FGF14: variants seen among roughly 807,000 people sequenced by gnomAD.
FGF14 encodes fibroblast growth factor homologous factor 4.
In FGF14, 5 loss-of-function variants were observed where a neutral mutation model predicts 25.5. The ratio of observed to expected loss-of-function variants is 0.20; its 90% CI spans 0.10 to 0.41. The LOEUF (loss-of-function observed/expected upper bound fraction) is 0.41, where lower values mean the gene tolerates loss of function less well. Ranked by LOEUF, FGF14 falls within the 10% of genes least tolerant of loss-of-function variation. The pLI, the probability that FGF14 is intolerant of heterozygous loss-of-function variation, is 1.00. For synonymous variants in FGF14, 138 were observed against 118.3 expected, an observed-to-expected ratio of 1.17 and a Z score of -1.08; for missense variants, 222 against 320.1, an observed-to-expected ratio of 0.69 and a Z score of 2.34.
chr13:101,960,648 A>G (rs1040300014), intron 1 of FGF14, among the ~76,000 whole-genome samples: 1 of 152,218 alleles, frequency 6.6e-6, no homozygotes, highest in South Asian at 2.1e-4. Context: ...GGCTGCAATG[A>G]ACATACACGT....
At chr13:102,332,269 A>G (rs886306493) in intron 1 of FGF14, among the ~76,000 whole-genome samples, 3 of 152,148 alleles carry the variant, frequency 2.0e-5, no homozygotes, top group African/African-American at 7.2e-5. Flanking sequence ...AGAAAAATTA[A>G]AACATTTGAA....
intron 3 of FGF14, among the ~76,000 whole-genome samples, chr13:101,853,021 G>C (rs1431696742): frequency 2.0e-5 from 3 of 152,020 alleles, no homozygotes; most frequent in Non-Finnish European, 4.4e-5. Context: ...TACTTGGAAA[G>C]TGCTATTTAT....
chr13:101,940,497 C>T (rs74340119), intron 1 of FGF14, among the ~76,000 whole-genome samples: 3,052 of 152,308 alleles, frequency 0.02, 113 homozygotes, highest in African/African-American at 0.07. Flanking sequence ...TTGTGCTCGC[C>T]TTGAGGCTTT....
chr13:101,896,311 A>G (rs921481565), intron 1 of FGF14, among the ~76,000 whole-genome samples: 3 of 152,208 alleles, frequency 2.0e-5, no homozygotes, highest in Admixed American at 6.5e-5. Flanking sequence ...TGGCACTCAC[A>G]CTAAGGTGCT....
intron 3 of FGF14, among the ~76,000 whole-genome samples, chr13:101,806,116 T>G (rs1266406159): frequency 6.6e-6 from 1 of 151,968 alleles, no homozygotes; most frequent in Non-Finnish European, 1.5e-5. Context: ...ATATTTAATA[T>G]GTAAAAGCAT....
intron 1 of FGF14, among the ~76,000 whole-genome samples, chr13:102,171,311 A>G (rs2048235613): frequency 6.6e-6 from 1 of 152,200 alleles, no homozygotes; most frequent in Non-Finnish European, 1.5e-5. Flanking sequence ...GTTGGTCAAC[A>G]AATGATTGCA....
intron 1 of FGF14, among the ~76,000 whole-genome samples, chr13:102,074,305 G>A (rs117329811): frequency 0.021 from 3,170 of 152,244 alleles, 45 homozygotes; most frequent in Non-Finnish European, 0.034. Flanking sequence ...GAGCCACCAC[G>A]CCCAGCAGGG....
intron 1 of FGF14, among the ~76,000 whole-genome samples, chr13:102,060,643 C>T (rs537108797): frequency 6.6e-6 from 1 of 152,152 alleles, no homozygotes; most frequent in Non-Finnish European, 1.5e-5. Flanking sequence ...CTTTAAATTA[C>T]ATAAATAAAA....
At chr13:102,183,198 A>C (rs187169782) in intron 1 of FGF14, among the ~76,000 whole-genome samples, 9 of 152,330 alleles carry the variant, frequency 5.9e-5, no homozygotes, top group Admixed American at 5.9e-4. Context: ...GCCTATAAAA[A>C]AAAGACTCAC....
chr13:102,250,488 C>A (rs565969509), intron 1 of FGF14, among the ~76,000 whole-genome samples: 75 of 152,258 alleles, frequency 4.9e-4, no homozygotes, highest in African/African-American at 1.8e-3. Flanking sequence ...GCAGACCACC[C>A]CCACCAATGT....
At position 101,916,681 on chromosome 13, in the gene FGF14, C is replaced by T. The variant is rs1207807975; in HGVS notation, c.-36G>A. The T allele has an allele frequency of 1.4e-6, 2 of 1,462,436 alleles. No homozygotes were observed. Among genetic ancestry groups the T allele is most frequent in the African/African-American group, 1.4e-5 (1 of 70,258 alleles). The allele number at this position is 1,462,436 out of a possible 1,614,324, so 90.6% of individuals were successfully genotyped here. A position where few individuals can be genotyped will look rare whatever the true frequency, so the allele number is the denominator to read the frequency against. On this transcript the variant is annotated 5_prime_UTR_variant, in exon 1 of 5. Coordinates refer to ENST00000376143, the MANE Select transcript of FGF14 (RefSeq NM_004115.4). Reference sequence around the variant, plus strand: ...GGAACGGGTCCGGGGAGGGAGGGCGCGGGAGGACGGCGAGCCGGGGGCACC... The same window carrying T: ...GGAACGGGTCCGGGGAGGGAGGGCGTGGGAGGACGGCGAGCCGGGGGCACC...
At chr13:102,091,991 G>GC in intron 1 of FGF14, among the ~76,000 whole-genome samples, 1 of 152,172 alleles carries the variant, frequency 6.6e-6, no homozygotes, top group Non-Finnish European at 1.5e-5. Context: ...AAGGCCTGGT[G>GC]ATAAGTTTAT....
At chr13:102,039,515 A>G (rs1346223681) in intron 1 of FGF14, among the ~76,000 whole-genome samples, 1 of 152,136 alleles carries the variant, frequency 6.6e-6, no homozygotes, top group Non-Finnish European at 1.5e-5. Flanking sequence ...CCAGCTTCAG[A>G]GGCTGACAGC....
intron 3 of FGF14, among the ~76,000 whole-genome samples, chr13:101,732,238 T>C (rs1218013458): frequency 6.6e-6 from 1 of 152,212 alleles, no homozygotes; most frequent in African/African-American, 2.4e-5. Context: ...CTTGGTGTTA[T>C]CTAAGACTAA....
At chr13:102,117,820 GTATT>G (rs1354522186) in intron 1 of FGF14, among the ~76,000 whole-genome samples, 2 of 152,168 alleles carry the variant, frequency 1.3e-5, no homozygotes, top group Non-Finnish European at 2.9e-5. Flanking sequence ...TTACGTATGT[GTATT>G]TGTTTATTTT....
At chr13:102,126,010 T>C (rs1401309830) in intron 1 of FGF14, among the ~76,000 whole-genome samples, 6 of 152,156 alleles carry the variant, frequency 3.9e-5, no homozygotes, top group African/African-American at 1.2e-4. Flanking sequence ...CTCAATTCCC[T>C]GTGTCCATGG....
At chr13:102,023,077 C>CACACAG (rs1566584171) in intron 1 of FGF14, among the ~76,000 whole-genome samples, 1 of 146,448 alleles carries the variant, frequency 6.8e-6, no homozygotes, top group East Asian at 2.0e-4. Context: ...CACACACACA[C>CACACAG]AGCCAACAGC....
At chr13:101,931,203 ACC>A (rs753083778) in intron 1 of FGF14, among the ~76,000 whole-genome samples, 1 of 152,038 alleles carries the variant, frequency 6.6e-6, no homozygotes, top group Non-Finnish European at 1.5e-5. Context: ...GATCAAACGA[ACC>A]CTGTAGGTTT....
At chr13:102,006,738 T>C (rs2039817550) in intron 1 of FGF14, among the ~76,000 whole-genome samples, 1 of 124,490 alleles carries the variant, frequency 8.0e-6, no homozygotes, top group Non-Finnish European at 1.7e-5. Context: ...TTTTTTTTTT[T>C]TTTTTTTTTT....
Sources: gnomAD v4.1 joint callset for allele counts (sites outside exome capture counted in the v4.1 genomes callset) on GRCh38, gnomAD v4.1.1 for gene constraint, MANE v1.5 for transcripts, NCBI Gene and HGNC (gene_info 2026-07-23, HGNC 2026-07-21) for gene names.